MTMR9: variants seen among roughly 807,000 people sequenced by gnomAD.
The protein encoded by MTMR9 is myotubularin-related protein 9.
Under a neutral mutation model 69.5 loss-of-function variants are expected in MTMR9, and 39 were observed. The ratio of observed to expected loss-of-function variants is 0.56; its 90% CI spans 0.43 to 0.73. The LOEUF (loss-of-function observed/expected upper bound fraction) is 0.73, where lower values mean the gene tolerates loss of function less well. MTMR9 is among the 30% of genes least tolerant of loss of function. The pLI, the probability that MTMR9 is intolerant of heterozygous loss-of-function variation, is 0.00. For synonymous variants in MTMR9, 354 were observed against 240.8 expected (o/e 1.47, Z -4.35); for missense variants, 900 against 671.2 (o/e 1.34, Z -3.77).
At chr8:11,331,986 C>G (rs779413842), downstream of MTMR9, 3 of 1,611,808 alleles carry the variant, frequency 1.9e-6, no homozygotes, top group African/African-American at 2.7e-5. Context: ...GGTTGTGGCC[C>G]TTATACTGCA....
chr8:11,319,991 C>T, intron 9 of MTMR9, 153 bp downstream of exon 9: 5 of 625,878 alleles, frequency 8.0e-6, no homozygotes, highest in South Asian at 3.8e-5. Context: ...ATGTTTTTCT[C>T]TTTCAAATCA....
intron 6 of MTMR9, among the ~76,000 whole-genome samples, chr8:11,311,075 T>TA (rs1368482112): frequency 2.0e-5 from 3 of 152,114 alleles, no homozygotes; most frequent in African/African-American, 4.8e-5. Context: ...AACATGAAAA[T>TA]AGAGTTTAAA....
rs576686335 is a variant in MTMR9, at chr8:11,285,166, C to A, written c.182+96C>A. Reference sequence around the variant, plus strand: ...CTGGCGTTTTCCGCGCAGCCTGCCGCCCAGCTAGCCGGCAAGATGAGCCCT... The same window carrying A: ...CTGGCGTTTTCCGCGCAGCCTGCCGACCAGCTAGCCGGCAAGATGAGCCCT... On this transcript the variant is annotated intron_variant, in intron 1 of 9. Transcript: ENST00000221086. 6.3e-6 allele frequency: 8 copies of A among 1,262,220 alleles called. No homozygotes were observed. The East Asian group carries it at 1.8e-4, about 29-fold the overall frequency. 78.2% of individuals were successfully genotyped at this position (1,262,220 alleles called of 1,614,324 possible).
intron 1 of MTMR9, among the ~76,000 whole-genome samples, chr8:11,292,439 C>G (rs756458025): frequency 7.2e-5 from 11 of 152,182 alleles, no homozygotes; most frequent in Non-Finnish European, 1.3e-4. Flanking sequence ...CTTGTACCTA[C>G]AGTTCTACAT....
At chr8:11,297,752 C>G (rs551874236) in intron 2 of MTMR9, 14 of 390,746 alleles carry the variant, frequency 3.6e-5, no homozygotes, top group Admixed American at 9.1e-5. Context: ...TCTTTAGAAA[C>G]TGACTCATTA....
rs1480850140 is a variant in MTMR9 at position 11,327,883 on chromosome 8, T to C, written c.*5095T>C. Reference sequence around the variant, plus strand: ...AGAACTTTTGTAAGTCTGTGTAACATTTTAATATTGTTTGTAATATTCACT... The same window carrying C: ...AGAACTTTTGTAAGTCTGTGTAACACTTTAATATTGTTTGTAATATTCACT... On this transcript the variant is annotated 3_prime_UTR_variant, in exon 10 of 10. Coordinates refer to ENST00000221086, the MANE Select transcript of MTMR9 (RefSeq NM_015458.4). The C allele has an allele frequency of 6.6e-6, 1 of 152,532 alleles. No homozygotes were observed. The highest frequency in any genetic ancestry group is 1.5e-5 in the Non-Finnish European group (1 of 68,034). The allele number at this position is 152,532 out of a possible 1,614,324, so 9.4% of individuals were successfully genotyped here.
chr8:11,309,846 G>A (rs972655253), intron 6 of MTMR9, among the ~76,000 whole-genome samples, 158 bp downstream of exon 6: 4 of 152,198 alleles, frequency 2.6e-5, no homozygotes, highest in African/African-American at 9.7e-5. Flanking sequence ...TGTGCCTAGA[G>A]TCTGGCATTT....
downstream of MTMR9, chr8:11,332,233 A>G: frequency 4.1e-6 from 6 of 1,467,136 alleles, no homozygotes; most frequent in Non-Finnish European, 3.6e-6. Context: ...ATCCTAGGAA[A>G]GAGTGAAAGT....
intron 1 of MTMR9, chr8:11,294,898 A>T (rs1799498350): frequency 5.2e-6 from 1 of 190,850 alleles, no homozygotes; most frequent in African/African-American, 2.4e-5. Flanking sequence ...AACACTTAAC[A>T]CATTAGTTAC....
At chr8:11,299,915 G>T in intron 2 of MTMR9, 108 bp from the exon 3 acceptor site, 1 of 1,247,420 alleles carries the variant, frequency 8.0e-7, no homozygotes, top group African/African-American at 1.5e-5. Flanking sequence ...AAACATTCTG[G>T]GTGCCCATCA....
At position 11,327,377 on chromosome 8, in the gene MTMR9, C is replaced by T. The variant is rs967474223; in HGVS notation, c.*4589C>T. 2.0e-5 allele frequency: 3 copies of T among 152,222 alleles called. No homozygotes were observed. The highest frequency in any genetic ancestry group is 4.8e-5 in the African/African-American group (2 of 41,458). The allele number at this position is 152,222 out of a possible 1,614,324, so 9.4% of individuals were successfully genotyped here. A position where few individuals can be genotyped will look rare whatever the true frequency, so the allele number is the denominator to read the frequency against. On this transcript the variant is annotated 3_prime_UTR_variant, in exon 10 of 10. Transcript: ENST00000221086. ...TGACTTCTAGAGCCATTCTCTTTAA[C>T]CGTCTGCAGGTCTAAGGATTAACTA...
At chr8:11,297,333 A>G (rs1028342838) in intron 2 of MTMR9, among the ~76,000 whole-genome samples, 1 of 152,260 alleles carries the variant, frequency 6.6e-6, no homozygotes, top group Admixed American at 6.5e-5. Context: ...AAATGAGAAG[A>G]TGAACTGAAC....
At chr8:11,293,716 T>C (rs1799447966) in intron 1 of MTMR9, among the ~76,000 whole-genome samples, 1 of 152,144 alleles carries the variant, frequency 6.6e-6, no homozygotes, top group South Asian at 2.1e-4. Flanking sequence ...AGGTCCCATT[T>C]TGAGTTAGTT....
intron 2 of MTMR9, chr8:11,297,778 G>A: frequency 4.5e-6 from 2 of 443,410 alleles, no homozygotes; most frequent in South Asian, 1.6e-5. Flanking sequence ...AAGCCCTTAG[G>A]ACTGAAAAGA....
chr8:11,331,945 C>T (rs1385253875), downstream of MTMR9: 7 of 1,611,904 alleles, frequency 4.3e-6, no homozygotes, highest in South Asian at 5.5e-5. Flanking sequence ...GCCCACCCTG[C>T]CCTGGTGTGC....
chr8:11,331,518 T>G, downstream of MTMR9: 5 of 1,613,782 alleles, frequency 3.1e-6, no homozygotes, highest in Non-Finnish European at 4.2e-6. Context: ...CAAAGGTTCT[T>G]CCACCGTATG....
chr8:11,298,894 G>T, intron 2 of MTMR9: 2 of 984,680 alleles, frequency 2.0e-6, no homozygotes, highest in Non-Finnish European at 2.4e-6. Flanking sequence ...GCCCATTTGG[G>T]GCTGATAGAG....
chr8:11,327,989 CAAGA>C lies in MTMR9; in HGVS notation c.*5206_*5209del, dbSNP rs1405061605. ...GTTTGTCAAGCTTGGTTTACTGAATCAAGAAAGAGTCTTGTCGAATGTGGTACTG... is the reference window on the plus strand; with the variant it reads ...GTTTGTCAAGCTTGGTTTACTGAATCAAGAGTCTTGTCGAATGTGGTACTG... On this transcript the variant is annotated 3_prime_UTR_variant, in exon 10 of 10. Coordinates refer to ENST00000221086, the MANE Select transcript of MTMR9 (RefSeq NM_015458.4). 1 of 152,110 alleles carries C rather than the reference CAAGA, an allele frequency of 6.6e-6. No homozygotes were observed. Among genetic ancestry groups the C allele is most frequent in the African/African-American group, 2.4e-5 (1 of 41,418 alleles). 9.4% of individuals were successfully genotyped at this position (152,110 alleles called of 1,614,324 possible). A position where few individuals can be genotyped will look rare whatever the true frequency, so the allele number is the denominator to read the frequency against.
intron 3 of MTMR9, among the ~76,000 whole-genome samples, chr8:11,304,352 C>G (rs1005574062): frequency 1.3e-5 from 2 of 152,170 alleles, no homozygotes; most frequent in African/African-American, 2.4e-5. Flanking sequence ...GTCGTACAGT[C>G]TTACTTGTGC....
Sources: allele counts gnomAD v4.1 joint callset (sites outside exome capture counted in the v4.1 genomes callset), GRCh38; gene constraint gnomAD v4.1.1; transcripts MANE v1.5; gene names NCBI Gene and HGNC (gene_info 2026-07-23, HGNC 2026-07-21).